The following ANKRD30B variants were observed in gnomAD, a reference collection of about 807,000 sequenced individuals.
ANKRD30B encodes ankyrin repeat domain-containing protein 30B.
In ANKRD30B, 144 loss-of-function variants were observed where a neutral mutation model predicts 202.2. The observed-to-expected ratio is 0.71, with a 90% CI of 0.62 to 0.82. The LOEUF (loss-of-function observed/expected upper bound fraction) is 0.82, where lower values mean the gene tolerates loss of function less well. Among genes scored for constraint, ANKRD30B ranks in the 40% least tolerant of loss-of-function variants. The pLI, the probability that ANKRD30B is intolerant of heterozygous loss-of-function variation, is 0.00. For synonymous variants in ANKRD30B, 508 were observed against 561.3 expected (o/e 0.91, Z 1.34); for missense variants, 1,487 against 1,669.1 (o/e 0.89, Z 1.90).
rs183474412 is a variant in ANKRD30B at position 14,759,696 on chromosome 18, T to C, written c.756-858T>C. On this transcript the variant is annotated intron_variant, in intron 5 of 43. Transcript: ENST00000690538. ...AGTTTTCTGCCCTTGGTGTGATTGA[T>C]GAGGTCGGTAATAGAGGATAATCAG... Among the ~76,000 whole-genome samples, 200 of 152,274 alleles carry C rather than the reference T, an allele frequency of 1.3e-3. 2 individuals are homozygous for C. The highest frequency in any genetic ancestry group is 3.4e-3 in the Middle Eastern group (1 of 294).
chr18:14,764,693 C>G (rs951401736), intron 7 of ANKRD30B, among the ~76,000 whole-genome samples: 1 of 152,088 alleles, frequency 6.6e-6, no homozygotes, highest in African/African-American at 2.4e-5. Context: ...CAGTCAGGAT[C>G]CCACTTTTGG....
chr18:14,868,746 C>T, the ANKRD30B span, among the ~76,000 whole-genome samples: 2 of 152,282 alleles, frequency 1.3e-5, no homozygotes, highest in African/African-American at 4.8e-5. Context: ...GCCCACCTGC[C>T]CATGGTGTCA....
At chr18:14,786,004 G>A (rs1326465940) in intron 14 of ANKRD30B, among the ~76,000 whole-genome samples, 2 of 120,900 alleles carry the variant, frequency 1.7e-5, no homozygotes, top group African/African-American at 6.3e-5. Flanking sequence ...CGCCACTGCA[G>A]TCTGCAGTCC....
downstream of ANKRD30B, among the ~76,000 whole-genome samples, chr18:14,859,330 C>T (rs1972145429): frequency 4.9e-5 from 3 of 61,068 alleles, no homozygotes; most frequent in Admixed American, 3.8e-4. Context: ...ATGGGGTGGC[C>T]GGGCAGCGGC....
the ANKRD30B span, among the ~76,000 whole-genome samples, chr18:14,917,413 G>A: frequency 4.6e-5 from 7 of 151,480 alleles, no homozygotes; most frequent in African/African-American, 1.7e-4. Context: ...TTCCCTTCCT[G>A]TCTATCTGCG....
At chr18:14,868,745 C>A in the ANKRD30B span, among the ~76,000 whole-genome samples, 1 of 152,298 alleles carries the variant, frequency 6.6e-6, no homozygotes, top group African/African-American at 2.4e-5. Flanking sequence ...AGCCCACCTG[C>A]CCATGGTGTC....
chr18:14,860,776 C>G, the ANKRD30B span, among the ~76,000 whole-genome samples: 2 of 151,964 alleles, frequency 1.3e-5, no homozygotes, highest in Admixed American at 1.3e-4. Context: ...GTGATGTCAG[C>G]TCACTGCAAC....
At chr18:14,862,413 C>T in the ANKRD30B span, among the ~76,000 whole-genome samples, 1 of 152,036 alleles carries the variant, frequency 6.6e-6, no homozygotes, top group Non-Finnish European at 1.5e-5. Context: ...TTCCAATAAG[C>T]ACAATAAAAA....
chr18:14,764,180 T>A (rs1238169296), intron 7 of ANKRD30B, 90 bp downstream of exon 7: 2 of 1,326,798 alleles, frequency 1.5e-6, no homozygotes, highest in African/African-American at 1.5e-5. Context: ...TGGGAATGTC[T>A]TGAATATCTA....
intron 39 of ANKRD30B, among the ~76,000 whole-genome samples, chr18:14,848,034 G>A (rs1248604989): frequency 6.6e-6 from 1 of 152,032 alleles, no homozygotes; most frequent in Non-Finnish European, 1.5e-5. Context: ...CAGACTCTAA[G>A]ATTTATCACT....
intron 15 of ANKRD30B, among the ~76,000 whole-genome samples, chr18:14,789,895 A>G (rs1968351336): frequency 6.6e-6 from 1 of 152,208 alleles, no homozygotes. Flanking sequence ...GTTACATATG[A>G]ACTTTAAAGT....
intron 30 of ANKRD30B, among the ~76,000 whole-genome samples, chr18:14,815,752 G>A (rs1379289889): frequency 6.6e-6 from 1 of 152,082 alleles, no homozygotes; most frequent in Non-Finnish European, 1.5e-5. Flanking sequence ...TATTTAATAA[G>A]TCTGTTGCAA....
At chr18:14,844,966 G>T (rs1250195938) in intron 39 of ANKRD30B, among the ~76,000 whole-genome samples, 1 of 151,870 alleles carries the variant, frequency 6.6e-6, no homozygotes, top group Non-Finnish European at 1.5e-5. Flanking sequence ...TTAAGTTCTT[G>T]TACATTCTGG....
At chr18:14,768,252 G>T (rs1916559703) in intron 7 of ANKRD30B, among the ~76,000 whole-genome samples, 1 of 152,208 alleles carries the variant, frequency 6.6e-6, no homozygotes, top group South Asian at 2.1e-4. Context: ...GAAGTGTTTG[G>T]AGGCTGATGT....
intron 30 of ANKRD30B, among the ~76,000 whole-genome samples, chr18:14,820,195 T>A (rs1465284249): frequency 6.6e-6 from 1 of 152,198 alleles, no homozygotes; most frequent in Admixed American, 6.5e-5. Flanking sequence ...ATGCTTGTGA[T>A]TTTTGTACAT....
chr18:14,915,818 G>C, the ANKRD30B span, among the ~76,000 whole-genome samples: 79,917 of 152,080 alleles, frequency 0.53, 21,328 homozygotes, highest in African/African-American at 0.6. Flanking sequence ...GCATCCACAG[G>C]TTCTACATCC....
At chr18:14,770,026 G>T (rs1273181708) in intron 8 of ANKRD30B, among the ~76,000 whole-genome samples, 1 of 152,136 alleles carries the variant, frequency 6.6e-6, no homozygotes, top group Non-Finnish European at 1.5e-5. Flanking sequence ...ATATCTTATA[G>T]AATTCTCTAT....
intron 7 of ANKRD30B, among the ~76,000 whole-genome samples, chr18:14,768,493 G>A (rs1916602371): frequency 6.6e-6 from 1 of 152,158 alleles, no homozygotes; most frequent in Non-Finnish European, 1.5e-5. Flanking sequence ...GATGTGGGAG[G>A]GCAGTCTTGT....
intron 6 of ANKRD30B, among the ~76,000 whole-genome samples, chr18:14,761,913 T>G (rs1316063893): frequency 6.6e-6 from 1 of 152,226 alleles, no homozygotes; most frequent in Non-Finnish European, 1.5e-5. Context: ...TATGAAAATC[T>G]GTTTCTTTTG....
Sources: gnomAD v4.1 joint callset for allele counts (sites outside exome capture counted in the v4.1 genomes callset) on GRCh38, gnomAD v4.1.1 for gene constraint, MANE v1.5 for transcripts, NCBI Gene and HGNC (gene_info 2026-07-23, HGNC 2026-07-21) for gene names.